The following DOCK3 variants were observed in gnomAD, a reference collection of about 807,000 sequenced individuals.
The protein encoded by DOCK3 is dedicator of cytokinesis 3.
A neutral mutation model predicts 265.6 loss-of-function variants in DOCK3; 60 were observed. The observed-to-expected ratio is 0.23, with a 90% CI of 0.18 to 0.28. The LOEUF (loss-of-function observed/expected upper bound fraction) is 0.28, where lower values mean the gene tolerates loss of function less well. Ranked by LOEUF, DOCK3 falls within the 10% of genes least tolerant of loss-of-function variation. The pLI is 1.00. For synonymous variants in DOCK3, 881 were observed against 938.0 expected, an observed-to-expected ratio of 0.94 and a Z score of 1.11; for missense variants, 1,981 against 2,594.3, an observed-to-expected ratio of 0.76 and a Z score of 5.14.
In DOCK3 at chr3:50,984,026, G is replaced by A. The variant is rs550037157; in HGVS notation, c.315+49949G>A. Among the ~76,000 whole-genome samples, 23 of 152,166 alleles carry A rather than the reference G, an allele frequency of 1.5e-4. No homozygotes were observed. The East Asian group carries it at 2.7e-3, about 18-fold the overall frequency. On this transcript the variant is annotated intron_variant, in intron 5 of 52. Coordinates refer to ENST00000266037, the MANE Select transcript of DOCK3 (RefSeq NM_004947.5). The stretch of plus-strand genomic sequence containing the variant: ...CCTCATGGAGAGCCGGCAGCCTGCC[G>A]TGCTGCAGCAGCCAGTATGTCTGAC...
At position 51,205,132 on chromosome 3, in the gene DOCK3, A is replaced by G. The variant is rs961032910; in HGVS notation, c.1038-3642A>G. ...GTATACATATGTAACTTACCTGCAC[A>G]TTGTGCACATGTACGCTAAAACTTA... On this transcript the variant is annotated intron_variant, in intron 12 of 52. Coordinates refer to ENST00000266037, the MANE Select transcript of DOCK3 (RefSeq NM_004947.5). Among the ~76,000 whole-genome samples, 54 of 152,104 alleles carry G rather than the reference A, an allele frequency of 3.6e-4. 1 individual carries two copies. Among genetic ancestry groups the G allele is most frequent in the Non-Finnish European group, 1.3e-4 (9 of 68,022 alleles).
At chr3:50,701,647 TA>T (rs1434645041) in intron 1 of DOCK3, among the ~76,000 whole-genome samples, 1 of 152,188 alleles carries the variant, frequency 6.6e-6, no homozygotes, top group Admixed American at 6.5e-5. Context: ...GTCTTAGTCA[TA>T]AAATCTTTGT....
At chr3:50,682,693 CT>C (rs1312129759) in intron 1 of DOCK3, among the ~76,000 whole-genome samples, 1 of 152,198 alleles carries the variant, frequency 6.6e-6, no homozygotes. Flanking sequence ...ATTCCCAACA[CT>C]TTGGGAGGCC....
chr3:50,890,118 T>G, intron 4 of DOCK3, 37 bp downstream of exon 4: 3 of 1,387,160 alleles, frequency 2.2e-6, no homozygotes, highest in Non-Finnish European at 2.8e-6. Context: ...TGTACAATTT[T>G]TATAGGCTAC....
intron 25 of DOCK3, among the ~76,000 whole-genome samples, chr3:51,275,849 A>G (rs1473159882): frequency 6.6e-6 from 1 of 152,068 alleles, no homozygotes; most frequent in Non-Finnish European, 1.5e-5. Flanking sequence ...AAGGAAAGAT[A>G]TGAATTAGGC....
chr3:50,713,980 T>G (rs1210724124), intron 1 of DOCK3, among the ~76,000 whole-genome samples: 4 of 152,028 alleles, frequency 2.6e-5, no homozygotes, highest in African/African-American at 9.7e-5. Flanking sequence ...ATTTTTATTT[T>G]TATTTATTTA....
chr3:51,058,121 C>T (rs1412278337), intron 5 of DOCK3, among the ~76,000 whole-genome samples: 1 of 152,122 alleles, frequency 6.6e-6, no homozygotes, highest in African/African-American at 2.4e-5. Flanking sequence ...CAAGATTGCT[C>T]ACTCACACCA....
chr3:50,763,718 G>T (rs910163185), intron 1 of DOCK3, among the ~76,000 whole-genome samples: 1 of 151,920 alleles, frequency 6.6e-6, no homozygotes, highest in Non-Finnish European at 1.5e-5. Context: ...TTTAACGTTG[G>T]TAGTAATAGC....
At chr3:51,304,511 G>A (rs1174501519) in intron 27 of DOCK3, among the ~76,000 whole-genome samples, 1 of 152,178 alleles carries the variant, frequency 6.6e-6, no homozygotes, top group Non-Finnish European at 1.5e-5. Context: ...ACCCTCACTT[G>A]GGGGGAACTC....
At chr3:51,039,424 A>T (rs1317938300) in intron 5 of DOCK3, among the ~76,000 whole-genome samples, 1 of 152,148 alleles carries the variant, frequency 6.6e-6, no homozygotes, top group Non-Finnish European at 1.5e-5. Context: ...TATTACTGGG[A>T]GTGGAATTGC....
chr3:50,909,641 G>GTTTTTTTTTTTTTTTTTTTTTTTTTTT (rs71633043), intron 4 of DOCK3, among the ~76,000 whole-genome samples: 2 of 98,722 alleles, frequency 2.0e-5, no homozygotes, highest in East Asian at 3.3e-4. Flanking sequence ...TACCCTTAAC[G>GTTTTTTTTTTTTTTTTTTTTTTTTTTT]TTTTTTTTTT....
At chr3:51,044,680 T>G (rs2080687613) in intron 5 of DOCK3, among the ~76,000 whole-genome samples, 1 of 152,188 alleles carries the variant, frequency 6.6e-6, no homozygotes, top group Non-Finnish European at 1.5e-5. Flanking sequence ...TGTTGTTTCC[T>G]GTACCCATGT....
intron 40 of DOCK3, 131 bp from the exon 41 acceptor site, chr3:51,354,751 G>C: frequency 7.2e-7 from 1 of 1,392,860 alleles, no homozygotes; most frequent in Non-Finnish European, 9.7e-7. Context: ...AATGCCCTGT[G>C]CCTGTCCCAG....
rs1374965370 is a variant in DOCK3, at chr3:51,374,372, A to T, written c.5294-97A>T. ...TTCATCCTCACCCTAACTGTAAGGG[A>T]CACCTACCCTGGTTCCCTAGTCCTG... is the stretch of plus-strand genomic sequence containing the variant. On this transcript the variant is annotated intron_variant, in intron 49 of 52. Coordinates refer to ENST00000266037, the MANE Select transcript of DOCK3 (RefSeq NM_004947.5). This position sits in a 1 kb window ranked among gnomAD's most constrained non-coding sequence, Gnocchi z 4.8. 3 of 1,118,758 alleles carry T rather than the reference A, an allele frequency of 2.7e-6. No individual in the cohort carries two copies. Among genetic ancestry groups the T allele is most frequent in the Non-Finnish European group, 4.0e-6 (3 of 758,134 alleles). 69.3% of individuals were successfully genotyped at this position (1,118,758 alleles called of 1,614,324 possible). A position where few individuals can be genotyped will look rare whatever the true frequency, so the allele number is the denominator to read the frequency against.
In DOCK3 at chr3:50,953,457, A is replaced by G. The variant is rs1217767001; in HGVS notation, c.315+19380A>G. On this transcript the variant is annotated intron_variant, in intron 5 of 52. Transcript: ENST00000266037. ...TTGTCTCATTCCACTTTCCACACCT[A>G]GTTATACAGCCTGCCAATTGAGAAC... is the stretch of plus-strand genomic sequence containing the variant. Among the ~76,000 whole-genome samples the G allele has an allele frequency of 3.3e-5, 5 of 152,202 alleles. No individual in the cohort carries two copies. The East Asian group carries it at 9.6e-4, about 29-fold the overall frequency.
chr3:51,326,310 G>T (rs188170722), intron 32 of DOCK3, among the ~76,000 whole-genome samples: 1 of 151,286 alleles, frequency 6.6e-6, no homozygotes. Context: ...ACCCAGGCTG[G>T]AGTGCAGCAG....
At chr3:51,005,691 C>A (rs2078652113) in intron 5 of DOCK3, among the ~76,000 whole-genome samples, 1 of 152,140 alleles carries the variant, frequency 6.6e-6, no homozygotes, top group East Asian at 1.9e-4. Context: ...AAATCTAAAT[C>A]TGACCACTTA....
In DOCK3 at chr3:51,039,195, T is replaced by C. The variant is rs146620199; in HGVS notation, c.316-25253T>C. 7.5e-3 allele frequency among the ~76,000 whole-genome samples: 1,138 copies of C among 152,060 alleles called. 10 individuals carry two copies. Among genetic ancestry groups the C allele is most frequent in the Non-Finnish European group, 7.8e-3 (530 of 67,980 alleles). ...ATTTTTAGTAGAGATGAGGTTTCACTATGTTGGCCAGGCTGGTCTCAAACT... is the reference window on the plus strand; with the variant it reads ...ATTTTTAGTAGAGATGAGGTTTCACCATGTTGGCCAGGCTGGTCTCAAACT... On this transcript the variant is annotated intron_variant, in intron 5 of 52. Transcript: ENST00000266037.
chr3:51,200,260 A>G (rs1012402618), intron 12 of DOCK3, among the ~76,000 whole-genome samples: 1 of 151,884 alleles, frequency 6.6e-6, no homozygotes, highest in Non-Finnish European at 1.5e-5. Context: ...TTCAAACCAA[A>G]GGCAAAGAAG....
Sources: allele counts gnomAD v4.1 joint callset (sites outside exome capture counted in the v4.1 genomes callset), GRCh38; gene constraint gnomAD v4.1.1; non-coding constraint Gnocchi (gnomAD v3.1); transcripts MANE v1.5; gene names NCBI Gene and HGNC (gene_info 2026-07-23, HGNC 2026-07-21).